FBXO42: variants seen among roughly 807,000 people sequenced by gnomAD.
The protein encoded by FBXO42 is F-box protein 42.
In FBXO42, 12 loss-of-function variants were observed where a neutral mutation model predicts 71.7. That is an observed-to-expected ratio of 0.17 (90% CI 0.11 to 0.27). The LOEUF is 0.27. FBXO42 is among the 10% of genes least tolerant of loss of function. The probability of loss-of-function intolerance (pLI) is 1.00; values close to 1 mark genes in which losing one functional copy is unlikely to be tolerated. For synonymous variants in FBXO42, 325 were observed against 327.5 expected (o/e 0.99, Z 0.08); for missense variants, 707 against 911.9 (o/e 0.78, Z 2.89).
chr1:16,342,520 C>T (rs1269975105), intron 1 of FBXO42, among the ~76,000 whole-genome samples: 1 of 148,884 alleles, frequency 6.7e-6, no homozygotes, highest in Admixed American at 6.8e-5. Context: ...GAGGTCAATG[C>T]TGGAGTAAAC....
Position 16,251,843 on chromosome 1 carries a change from T to C in FBXO42, c.1039-58A>G. On this transcript the variant is annotated intron_variant, in intron 9 of 9. Coordinates refer to ENST00000375592, the MANE Select transcript of FBXO42 (RefSeq NM_018994.3). This position sits in a 1 kb window ranked among gnomAD's most constrained non-coding sequence, Gnocchi z 4.5. ...CTATGATTCTGATTGTTCATTCAAC[T>C]GTCAAACATTTTATCATGAGCATCT... 6.5e-7 allele frequency: 1 copy of C among 1,540,428 alleles called. No homozygotes were observed. The highest frequency in any genetic ancestry group is 8.8e-7 in the Non-Finnish European group (1 of 1,142,594).
Position 16,305,842 on chromosome 1 carries a change from G to C in FBXO42, c.328C>G (p.Pro110Ala). Reference sequence around the variant, plus strand: ...TGAGTGATTGGGGTTCCAGGATAAGGATAGGTACGGCTCTCCCACTGAATG... The same window carrying C: ...TGAGTGATTGGGGTTCCAGGATAAGCATAGGTACGGCTCTCCCACTGAATG... ...GNIQWESRTY[P>A]YPGTPITQRF... The change falls in exon 3 of 10, where the codon CCT (proline) becomes GCT (alanine). Residue 110 changes from proline to alanine, a missense_variant. Physicochemically the swap from Pro to Ala is conservative, Grantham distance 27. This residue lies in a region of FBXO42 where 188 missense variants were observed against 230.5 expected (regional missense o/e 0.82). Coordinates refer to ENST00000375592, the MANE Select transcript of FBXO42 (RefSeq NM_018994.3). 1 of 1,614,106 alleles carries C rather than the reference G, an allele frequency of 6.2e-7. No homozygotes were observed. Among genetic ancestry groups the C allele is most frequent in the South Asian group, 1.1e-5 (1 of 91,086 alleles).
At chr1:16,318,217 G>A (rs1356226113) in intron 1 of FBXO42, among the ~76,000 whole-genome samples, 14 of 152,090 alleles carry the variant, frequency 9.2e-5, no homozygotes, top group East Asian at 3.9e-4. Context: ...TCAAGAGTTC[G>A]AGACCAGCAT....
Position 16,250,569 on chromosome 1 carries a change from T to C in FBXO42, c.*101A>G. The C allele has an allele frequency of 7.1e-7, 1 of 1,408,158 alleles. No homozygotes were observed. The highest frequency in any genetic ancestry group is 2.3e-5 in the Admixed American group (1 of 43,104). 87.2% of individuals were successfully genotyped at this position (1,408,158 alleles called of 1,614,324 possible). ...CGGTTGGGAATTAAAGAGTTTTGGC[T>C]TCTGGGAGTAATTTTGTTTTCCCAA... On this transcript the variant is annotated 3_prime_UTR_variant, in exon 10 of 10. Coordinates refer to ENST00000375592, the MANE Select transcript of FBXO42 (RefSeq NM_018994.3). This position sits in a 1 kb window ranked among gnomAD's most constrained non-coding sequence, Gnocchi z 4.7.
intron 3 of FBXO42, among the ~76,000 whole-genome samples, chr1:16,301,328 C>T (rs910475114): frequency 6.6e-6 from 1 of 151,980 alleles, no homozygotes; most frequent in African/African-American, 2.4e-5. Flanking sequence ...TATATTGATA[C>T]CAAATTTATT....
At chr1:16,262,001 C>A (rs761187686) in intron 4 of FBXO42, among the ~76,000 whole-genome samples, 1 of 152,102 alleles carries the variant, frequency 6.6e-6, no homozygotes, top group African/African-American at 2.4e-5. Flanking sequence ...CGTGAGCCAC[C>A]GCGCCTGGCC....
rs1221514212 is a variant in FBXO42, at chr1:16,251,216, A to G, written c.1608T>C (p.Gly536=). The G allele has an allele frequency of 1.2e-6, 2 of 1,614,082 alleles. No individual in the cohort carries two copies. The highest frequency in any genetic ancestry group is 1.7e-5 in the Admixed American group (1 of 60,014). ...TGGCCACGTGAGGTGGGGTATGCAC[A>G]CCATTTGTCTGTTCAGGAGGGTGTC... is the stretch of plus-strand genomic sequence containing the variant. ...SMRHPPEQTN[G]VHTPPHVASA... is the part of the protein sequence containing the mutation. Residue 536 remains glycine, a synonymous_variant, in exon 10 of 10, where the codon GGT becomes GGC. Coordinates refer to ENST00000375592, the MANE Select transcript of FBXO42 (RefSeq NM_018994.3). This position sits in a 1 kb window ranked among gnomAD's most constrained non-coding sequence, Gnocchi z 4.5.
At chr1:16,295,969 G>C (rs1283650446) in intron 3 of FBXO42, among the ~76,000 whole-genome samples, 2 of 152,052 alleles carry the variant, frequency 1.3e-5, no homozygotes, top group Non-Finnish European at 2.9e-5. Context: ...AAAAACACCA[G>C]GATCTCTAAA....
At chr1:16,338,376 A>G (rs1303786659) in intron 1 of FBXO42, among the ~76,000 whole-genome samples, 1 of 143,350 alleles carries the variant, frequency 7.0e-6, no homozygotes, top group Non-Finnish European at 1.5e-5. Flanking sequence ...AAAAAAAAAA[A>G]GAATAACAAT....
intron 4 of FBXO42, among the ~76,000 whole-genome samples, chr1:16,287,321 A>G (rs1218175300): frequency 2.6e-5 from 4 of 152,062 alleles, no homozygotes; most frequent in Non-Finnish European, 4.4e-5. Context: ...CTTCTCTCTG[A>G]TTCTCCTAGT....
rs571799527 is a variant in FBXO42 at position 16,294,205 on chromosome 1, A to G, written c.502+578T>C. 3.3e-5 allele frequency: 5 copies of G among 152,388 alleles called. No homozygotes were observed. In the East Asian group the frequency reaches 7.7e-4, roughly 24 times the overall value. The allele number at this position is 152,388 out of a possible 1,614,324, so 9.4% of individuals were successfully genotyped here. A position where few individuals can be genotyped will look rare whatever the true frequency, so the allele number is the denominator to read the frequency against. ...CATGAGTGCAAAAACCATTGTTTTT[A>G]TTTTTTCCCCCAGGAGAGGTTAGGT... On this transcript the variant is annotated intron_variant, in intron 4 of 9. Coordinates refer to ENST00000375592, the MANE Select transcript of FBXO42 (RefSeq NM_018994.3).
chr1:16,323,558 A>T (rs556617167), intron 1 of FBXO42, among the ~76,000 whole-genome samples: 23 of 151,906 alleles, frequency 1.5e-4, no homozygotes, highest in African/African-American at 5.6e-4. Context: ...GCACTTTGGG[A>T]GGCTGAGGTG....
chr1:16,289,267 G>C (rs909689179), intron 4 of FBXO42, among the ~76,000 whole-genome samples: 1 of 151,992 alleles, frequency 6.6e-6, no homozygotes, highest in Non-Finnish European at 1.5e-5. Context: ...GTCCCGATGT[G>C]GGGGTGCAAA....
Position 16,252,214 on chromosome 1 carries a change from T to C in FBXO42, c.1038+74A>G. 8.7e-7 allele frequency: 1 copy of C among 1,151,218 alleles called. No individual in the cohort carries two copies. Among genetic ancestry groups the C allele is most frequent in the South Asian group, 1.3e-5 (1 of 77,970 alleles). 71.3% of individuals were successfully genotyped at this position (1,151,218 alleles called of 1,614,324 possible). On this transcript the variant is annotated intron_variant, in intron 9 of 9. Coordinates refer to ENST00000375592, the MANE Select transcript of FBXO42 (RefSeq NM_018994.3). The surrounding 1 kb of genome is among the most constrained non-coding windows in gnomAD (Gnocchi z 4.4). ...TTCTATTTTTGTACAAATTTCTTTGTAACCTGACAAAGTAATGTGGTTTTC... is the reference window on the plus strand; with the variant it reads ...TTCTATTTTTGTACAAATTTCTTTGCAACCTGACAAAGTAATGTGGTTTTC...
rs562947995 is a variant in FBXO42, at chr1:16,278,304, C to T, written c.502+16479G>A. On this transcript the variant is annotated intron_variant, in intron 4 of 9. Transcript: ENST00000375592. Reference sequence around the variant, plus strand: ...CCGGGAGGCGGAGGTTGCAGTGAGCCGGAGATCACGCCATTGCACTCCAGC... The same window carrying T: ...CCGGGAGGCGGAGGTTGCAGTGAGCTGGAGATCACGCCATTGCACTCCAGC... Among the ~76,000 whole-genome samples the T allele has an allele frequency of 2.6e-4, 39 of 151,294 alleles. No homozygotes were observed. The East Asian group carries it at 6.4e-3, about 25-fold the overall frequency.
At chr1:16,301,276 C>T (rs2100545500) in intron 3 of FBXO42, among the ~76,000 whole-genome samples, 1 of 152,166 alleles carries the variant, frequency 6.6e-6, no homozygotes, top group East Asian at 1.9e-4. Context: ...CTGTGCATAC[C>T]TTTGTTGCAC....
intron 3 of FBXO42, among the ~76,000 whole-genome samples, chr1:16,305,332 G>T (rs916596454): frequency 3.3e-5 from 5 of 152,280 alleles, no homozygotes; most frequent in Middle Eastern, 6.8e-3. Context: ...AGGCTGCAGT[G>T]ACCCATGATC....
chr1:16,330,996 C>G, intron 1 of FBXO42, among the ~76,000 whole-genome samples: 1 of 152,074 alleles, frequency 6.6e-6, no homozygotes, highest in Non-Finnish European at 1.5e-5. Flanking sequence ...TGGCGCGTGC[C>G]TGTAGTCCCA....
rs145592236 is a variant in FBXO42, at chr1:16,321,895, G to A, written c.-17-6460C>T. ...TAGAAATTACATCATTAGGCCAGGC[G>A]TGGTGGCTCACGCCTGTAATCCCAG... On this transcript the variant is annotated intron_variant, in intron 1 of 9. Coordinates refer to ENST00000375592, the MANE Select transcript of FBXO42 (RefSeq NM_018994.3). Among the ~76,000 whole-genome samples, 1,075 of 152,234 alleles carry A rather than the reference G, an allele frequency of 7.1e-3. 12 individuals are homozygous for A. The highest frequency in any genetic ancestry group is 0.01 in the Middle Eastern group (3 of 294).
Sources: allele counts gnomAD v4.1 joint callset (sites outside exome capture counted in the v4.1 genomes callset), GRCh38; gene constraint gnomAD v4.1.1; regional missense constraint gnomAD v4.1.1; non-coding constraint Gnocchi (gnomAD v3.1); transcripts MANE v1.5; gene names NCBI Gene and HGNC (gene_info 2026-07-23, HGNC 2026-07-21).